The following LTN1 variants were observed in gnomAD, a reference collection of about 807,000 sequenced individuals.
LTN1 encodes the protein listerin E3 ubiquitin protein ligase 1.
A neutral mutation model predicts 201.2 loss-of-function variants in LTN1; 88 were observed. The observed-to-expected ratio is 0.44, with a 90% CI of 0.37 to 0.52. The LOEUF is 0.52. Among genes scored for constraint, LTN1 ranks in the 20% least tolerant of loss-of-function variants. The pLI is 0.00. For synonymous variants in LTN1, 645 were observed against 713.5 expected (o/e 0.90, Z 1.53); for missense variants, 1,752 against 2,038.7 (o/e 0.86, Z 2.71).
At chr21:28,939,005 C>T (rs2084277083) in intron 25 of LTN1, among the ~76,000 whole-genome samples, 1 of 152,132 alleles carries the variant, frequency 6.6e-6, no homozygotes, top group South Asian at 2.1e-4. Flanking sequence ...TCTGTGAATA[C>T]AGTCAGCCCT....
At position 28,947,569 on chromosome 21, in the gene LTN1, G is replaced by C; in HGVS notation, c.3382C>G (p.Gln1128Glu). The change falls in exon 19 of 30, where the codon CAA becomes GAA. Residue 1128 changes from glutamine (Q) to glutamate (E), a missense_variant. Physicochemically the swap from Gln to Glu is conservative, Grantham distance 29. This residue lies in a region of LTN1 where 1,211 missense variants were observed against 1,312.8 expected (regional missense o/e 0.92). Transcript: ENST00000361371. Reference protein sequence around the residue: ...PLTEGNLHTIQSLCPFLSKEE... With the variant: ...PLTEGNLHTIESLCPFLSKEE... ...TTTGACAAAAATGGACATAGACTTTGAATGGTATGCAAATTGCCTTCAGTT... is the reference window on the plus strand; with the variant it reads ...TTTGACAAAAATGGACATAGACTTTCAATGGTATGCAAATTGCCTTCAGTT... 2 of 1,581,900 alleles carry C rather than the reference G, an allele frequency of 1.3e-6. No homozygotes were observed. The highest frequency in any genetic ancestry group is 1.7e-6 in the Non-Finnish European group (2 of 1,169,746).
In LTN1 at chr21:28,967,186, G is replaced by C; in HGVS notation, c.1312-7C>G. The C allele has an allele frequency of 6.3e-7, 1 of 1,583,526 alleles. No individual in the cohort carries two copies. Among genetic ancestry groups the C allele is most frequent in the Non-Finnish European group, 8.6e-7 (1 of 1,162,062 alleles). ...CATCAATAAAAGGGATCAACTGAAAGAAAAGGTAGAATATCATAAAATATA... is the reference window on the plus strand; with the variant it reads ...CATCAATAAAAGGGATCAACTGAAACAAAAGGTAGAATATCATAAAATATA... On this transcript the variant is annotated splice_region_variant and splice_polypyrimidine_tract_variant and intron_variant, in intron 9 of 29. Coordinates refer to ENST00000361371, the MANE Select transcript of LTN1 (RefSeq NM_015565.3).
At chr21:28,960,796 C>T (rs1467205327) in intron 11 of LTN1, 90 bp from the exon 12 acceptor site, 5 of 842,200 alleles carry the variant, frequency 5.9e-6, no homozygotes, top group South Asian at 1.7e-5. Context: ...ACTATCCCTT[C>T]GTTATCATGG....
intron 1 of LTN1, among the ~76,000 whole-genome samples, chr21:28,990,077 C>T (rs2084733244): frequency 6.6e-6 from 1 of 152,100 alleles, no homozygotes; most frequent in Non-Finnish European, 1.5e-5. Flanking sequence ...TTTTCACTGT[C>T]TGACAAACTC....
intron 17 of LTN1, among the ~76,000 whole-genome samples, chr21:28,952,533 C>G (rs1247915640): frequency 1.3e-5 from 2 of 152,120 alleles, no homozygotes; most frequent in Non-Finnish European, 2.9e-5. Flanking sequence ...GGGAGATGAT[C>G]TTAGAGATTA....
At chr21:28,941,872 C>T (rs1028233021) in intron 24 of LTN1, among the ~76,000 whole-genome samples, 3 of 151,508 alleles carry the variant, frequency 2.0e-5, no homozygotes, top group African/African-American at 7.3e-5. Context: ...TACTATTAAT[C>T]GGATAAACAC....
chr21:28,949,595 T>C (rs960397659), intron 18 of LTN1, among the ~76,000 whole-genome samples: 4 of 152,184 alleles, frequency 2.6e-5, no homozygotes, highest in Admixed American at 6.6e-5. Flanking sequence ...AGAGTATCTG[T>C]CTTTTTGTAA....
In LTN1 at chr21:28,970,711, C is replaced by A. The variant is rs1324539670; in HGVS notation, c.1016G>T (p.Ser339Ile). ...DCWLHVNAKKSVFPKLSTVIR... is the reference protein window; with the variant it reads ...DCWLHVNAKKIVFPKLSTVIR... ...CACAGTTGATAGCTTGGGAAACACACTCTTTTTTGCATTTACATGAAGCCA... is the reference window on the plus strand; with the variant it reads ...CACAGTTGATAGCTTGGGAAACACAATCTTTTTTGCATTTACATGAAGCCA... The change falls in exon 8 of 30, where the codon AGT (serine) becomes ATT (isoleucine). Residue 339 changes from serine (S) to isoleucine (I), a missense_variant. Around this residue, in one of 3 missense-constraint regions of LTN1, gnomAD observed 1,211 missense variants for 1,312.8 expected, o/e 0.92. Transcript: ENST00000361371. The A allele has an allele frequency of 6.2e-7, 1 of 1,613,794 alleles. No homozygotes were observed. The highest frequency in any genetic ancestry group is 8.5e-7 in the Non-Finnish European group (1 of 1,179,934).
Position 28,969,609 on chromosome 21 carries a change from ATAAT to A in LTN1, c.1176-12_1176-9del, listed in dbSNP as rs2084556796. The A allele has an allele frequency of 1.3e-6, 2 of 1,576,278 alleles. No individual in the cohort carries two copies. Among genetic ancestry groups the A allele is most frequent in the Non-Finnish European group, 1.7e-6 (2 of 1,165,564 alleles). On this transcript the variant is annotated splice_polypyrimidine_tract_variant and intron_variant, in intron 8 of 29. Coordinates refer to ENST00000361371, the MANE Select transcript of LTN1 (RefSeq NM_015565.3). ...GTTCTCTCTGTTGACAGCCTAAGAA[ATAAT>A]TAATAACTGGATTACTCTTTCATGA...
chr21:28,955,198 G>A (rs2084414533), intron 16 of LTN1, among the ~76,000 whole-genome samples: 1 of 152,056 alleles, frequency 6.6e-6, no homozygotes, highest in Non-Finnish European at 1.5e-5. Flanking sequence ...GCTGGGAATG[G>A]TGGCACTGCT....
At chr21:28,955,413 A>T (rs2084416841) in intron 16 of LTN1, among the ~76,000 whole-genome samples, 1 of 152,126 alleles carries the variant, frequency 6.6e-6, no homozygotes, top group Admixed American at 6.5e-5. Context: ...AACGATATGG[A>T]AGTATTTCAA....
chr21:28,936,655 A>C lies in LTN1; in HGVS notation c.4525T>G (p.Leu1509Val). 6.2e-7 allele frequency: 1 copy of C among 1,613,616 alleles called. No individual in the cohort carries two copies. The highest frequency in any genetic ancestry group is 8.5e-7 in the Non-Finnish European group (1 of 1,179,690). ...YSMYLRKTKS[L>V]NKLLYHLFRL... ...AACAGGTGATAGAGCAATTTATTCA[A>C]ACTCTTTGTTTTCCGAAGATACATG... The change falls in exon 26 of 30, where the codon TTG (leucine) becomes GTG (valine). Residue 1509 changes from leucine (L) to valine (V), a missense_variant. Leu to Val is a conservative substitution (Grantham distance 32). Coordinates refer to ENST00000361371, the MANE Select transcript of LTN1 (RefSeq NM_015565.3).
chr21:28,964,513 T>C (rs1340992217), intron 11 of LTN1: 8 of 1,426,174 alleles, frequency 5.6e-6, no homozygotes, highest in Non-Finnish European at 7.4e-6. Context: ...AACTTTTATA[T>C]GCACTGGCAA....
At chr21:28,956,640 A>C (rs1289931241) in intron 16 of LTN1, 122 bp downstream of exon 16, 1 of 550,490 alleles carries the variant, frequency 1.8e-6, no homozygotes, top group African/African-American at 2.0e-5. Context: ...TCATCATTAA[A>C]ATAGGAAAAA....
chr21:28,959,405 T>A, intron 13 of LTN1, 53 bp downstream of exon 13: 1 of 1,575,184 alleles, frequency 6.3e-7, no homozygotes, highest in Non-Finnish European at 8.6e-7. Context: ...ACACTCACTA[T>A]GAAGGTCAGA....
intron 13 of LTN1, 163 bp downstream of exon 13, chr21:28,959,295 T>G (rs2084453934): frequency 2.6e-6 from 2 of 756,716 alleles, no homozygotes; most frequent in Admixed American, 2.7e-5. Flanking sequence ...ATCTTTAACT[T>G]GCTTTCTAGA....
intron 1 of LTN1, among the ~76,000 whole-genome samples, chr21:28,990,991 G>A (rs1346689155): frequency 6.6e-6 from 1 of 152,112 alleles, no homozygotes; most frequent in African/African-American, 2.4e-5. Context: ...ACAAAAATAA[G>A]CTAGCCGTGA....
At chr21:28,959,908 TA>T (rs2084461018) in intron 12 of LTN1, 1 of 404,002 alleles carries the variant, frequency 2.5e-6, no homozygotes, top group Non-Finnish European at 4.1e-6. Context: ...AGAAATGGTC[TA>T]CAGTTAGGGT....
chr21:28,968,047 A>C (rs529327975), intron 9 of LTN1: 1 of 152,344 alleles, frequency 6.6e-6, no homozygotes, highest in East Asian at 1.9e-4. Flanking sequence ...TTCAATTTTC[A>C]AGAGAAAATT....
Sources: gnomAD v4.1 joint callset for allele counts (sites outside exome capture counted in the v4.1 genomes callset) on GRCh38, gnomAD v4.1.1 for gene constraint, gnomAD v4.1.1 regional missense constraint, MANE v1.5 for transcripts, NCBI Gene and HGNC (gene_info 2026-07-23, HGNC 2026-07-21) for gene names.